TMEM9: variants seen among roughly 807,000 people sequenced by gnomAD.
TMEM9 encodes transmembrane protein 9.
A neutral mutation model predicts 22.8 loss-of-function variants in TMEM9; 13 were observed. The observed-to-expected ratio is 0.57, with a 90% CI of 0.37 to 0.91. TMEM9 has a LOEUF of 0.91. Ranked by LOEUF, TMEM9 falls within the 40% of genes least tolerant of loss-of-function variation. The pLI, the probability that TMEM9 is intolerant of heterozygous loss-of-function variation, is 0.01. For synonymous variants in TMEM9, 88 were observed against 93.0 expected, an observed-to-expected ratio of 0.95 and a Z score of 0.31; for missense variants, 182 against 238.1, an observed-to-expected ratio of 0.76 and a Z score of 1.55.
intron 1 of TMEM9, among the ~76,000 whole-genome samples, chr1:201,167,745 A>C (rs951830934): frequency 1.3e-5 from 2 of 152,220 alleles, no homozygotes; most frequent in African/African-American, 4.8e-5. Context: ...GGAAAAATTA[A>C]GGGCAGCTTG....
At chr1:201,169,088 A>T (rs372076163) in intron 1 of TMEM9, among the ~76,000 whole-genome samples, 1 of 151,570 alleles carries the variant, frequency 6.6e-6, no homozygotes, top group African/African-American at 2.4e-5. Context: ...AAGAACTTAG[A>T]TGAGGAGAGA....
Position 201,146,736 on chromosome 1 carries a change from T to C in TMEM9, c.267+4A>G, listed in dbSNP as rs768137721. 1.9e-6 allele frequency: 3 copies of C among 1,614,004 alleles called. No homozygotes were observed. The highest frequency in any genetic ancestry group is 2.5e-6 in the Non-Finnish European group (3 of 1,179,936). On this transcript the variant is annotated splice_donor_region_variant and intron_variant, in intron 3 of 4. Coordinates refer to ENST00000367330, the MANE Select transcript of TMEM9 (RefSeq NM_001288565.2). Reference sequence around the variant, plus strand: ...CCACTGGCTTCCTGAGACCCTGGCGTTACCTTGATGGTGGTGGTGCTGCGC... The same window carrying C: ...CCACTGGCTTCCTGAGACCCTGGCGCTACCTTGATGGTGGTGGTGCTGCGC...
chr1:201,165,244 A>C (rs1405992682), intron 1 of TMEM9, among the ~76,000 whole-genome samples: 1 of 149,248 alleles, frequency 6.7e-6, no homozygotes, highest in Non-Finnish European at 1.5e-5. Context: ...TCTGCCAAAA[A>C]TTCTAAGAAT....
rs11540083 is a variant in TMEM9, at chr1:201,135,428, C to T, written c.*235G>A. On this transcript the variant is annotated 3_prime_UTR_variant, in exon 5 of 5. Transcript: ENST00000367330. ...CATTCCCTTCTGGCCTGCCTTCCCC[C>T]TCCCTTCAACCCCAAAGACCCAAGA... 4.9e-6 allele frequency: 2 copies of T among 405,192 alleles called. No individual in the cohort carries two copies. Among genetic ancestry groups the T allele is most frequent in the Non-Finnish European group, 8.7e-6 (2 of 230,410 alleles). The allele number at this position is 405,192 out of a possible 1,614,324, so 25.1% of individuals were successfully genotyped here.
At chr1:201,147,576 G>A (rs374138332) in intron 2 of TMEM9, among the ~76,000 whole-genome samples, 1 of 152,080 alleles carries the variant, frequency 6.6e-6, no homozygotes, top group Non-Finnish European at 1.5e-5. Flanking sequence ...ACCAGCCTCC[G>A]CGCTGCCCTC....
intron 1 of TMEM9, among the ~76,000 whole-genome samples, chr1:201,164,305 T>C (rs1009707169): frequency 2.6e-5 from 4 of 152,248 alleles, no homozygotes; most frequent in Non-Finnish European, 4.4e-5. Flanking sequence ...ATCTTGATTA[T>C]GGAAACGTTA....
At chr1:201,164,402 T>C (rs1295789590) in intron 1 of TMEM9, among the ~76,000 whole-genome samples, 1 of 152,222 alleles carries the variant, frequency 6.6e-6, no homozygotes, top group African/African-American at 2.4e-5. Context: ...CCTGCAAATC[T>C]ACGACTGTCT....
intron 3 of TMEM9, chr1:201,144,223 A>T: frequency 2.8e-6 from 1 of 354,354 alleles, no homozygotes; most frequent in Non-Finnish European, 5.3e-6. Flanking sequence ...AGAAGTCTGG[A>T]GCCTGATGCC....
upstream of TMEM9, chr1:201,154,520 C>T (rs1392105031): frequency 6.6e-6 from 1 of 152,596 alleles, no homozygotes; most frequent in African/African-American, 2.4e-5. Flanking sequence ...CCAGAGCAGC[C>T]CCTTAACCCG....
chr1:201,162,149 A>G (rs1665958955), intron 1 of TMEM9, among the ~76,000 whole-genome samples: 1 of 151,694 alleles, frequency 6.6e-6, no homozygotes, highest in Non-Finnish European at 1.5e-5. Flanking sequence ...CCAGGCATAG[A>G]TCTAAACAAA....
chr1:201,168,985 T>TA (rs1553259765), intron 1 of TMEM9, among the ~76,000 whole-genome samples: 2 of 150,620 alleles, frequency 1.3e-5, no homozygotes, highest in East Asian at 3.9e-4. Flanking sequence ...TTTTTTTTTT[T>TA]AGAGATGGGG....
chr1:201,149,361 G>A (rs1665243403), intron 2 of TMEM9, among the ~76,000 whole-genome samples: 2 of 152,212 alleles, frequency 1.3e-5, no homozygotes, highest in Admixed American at 1.3e-4. Context: ...CTCTCAGGCA[G>A]AGCAATTCCG....
intron 2 of TMEM9, among the ~76,000 whole-genome samples, chr1:201,150,115 G>C (rs553926805): frequency 7.2e-5 from 11 of 152,374 alleles, no homozygotes; most frequent in Middle Eastern, 3.4e-3. Context: ...GACAGAGAGA[G>C]TGTTCCTAAA....
chr1:201,154,222 T>TCTGACC lies in TMEM9; in HGVS notation c.-305_-300dup, dbSNP rs1375232988. 4 of 317,576 alleles carry TCTGACC rather than the reference T, an allele frequency of 1.3e-5. No homozygotes were observed. The East Asian group carries it at 2.0e-4, about 16-fold the overall frequency. The allele number at this position is 317,576 out of a possible 1,614,324, so 19.7% of individuals were successfully genotyped here. A position where few individuals can be genotyped will look rare whatever the true frequency, so the allele number is the denominator to read the frequency against. On this transcript the variant is annotated 5_prime_UTR_variant, in exon 1 of 5. Coordinates refer to ENST00000367330, the MANE Select transcript of TMEM9 (RefSeq NM_001288565.2). ...CTCCAGTTCCTTCTCAAGGCCCGGC[T>TCTGACC]CTGACCCGCGCATCACGTCCCACCG...
chr1:201,145,962 T>C (rs943496174), intron 3 of TMEM9, among the ~76,000 whole-genome samples: 4 of 152,138 alleles, frequency 2.6e-5, no homozygotes, highest in African/African-American at 9.7e-5. Context: ...ACCCAGTCTC[T>C]AAAAAACAAA....
chr1:201,136,775 C>T (rs1169134332), intron 4 of TMEM9, among the ~76,000 whole-genome samples: 2 of 152,220 alleles, frequency 1.3e-5, no homozygotes, highest in Non-Finnish European at 1.5e-5. Flanking sequence ...CCCACACCCC[C>T]GTGGGGATTT....
chr1:201,159,750 A>C (rs1665896289), intron 1 of TMEM9, among the ~76,000 whole-genome samples: 1 of 152,164 alleles, frequency 6.6e-6, no homozygotes, highest in Admixed American at 6.5e-5. Context: ...GAATAAAAGC[A>C]TTATTCTACC....
intron 3 of TMEM9, 178 bp downstream of exon 3, chr1:201,146,562 C>T: frequency 1.4e-6 from 1 of 706,598 alleles, no homozygotes; most frequent in East Asian, 2.7e-5. Flanking sequence ...GAGAAGGGAG[C>T]TGGCTCCAGG....
At chr1:201,157,256 C>T (rs1665823930), upstream of TMEM9, among the ~76,000 whole-genome samples, 1 of 152,196 alleles carries the variant, frequency 6.6e-6, no homozygotes, top group South Asian at 2.1e-4. Flanking sequence ...TCTGGCAGCT[C>T]CCAGCCCAAT....
Sources: allele counts gnomAD v4.1 joint callset (sites outside exome capture counted in the v4.1 genomes callset), GRCh38; gene constraint gnomAD v4.1.1; transcripts MANE v1.5; gene names NCBI Gene and HGNC (gene_info 2026-07-23, HGNC 2026-07-21).